TSPAN12: variants seen among roughly 807,000 people sequenced by gnomAD.
The protein encoded by TSPAN12 is tetraspanin 12.
Under a neutral mutation model 39.2 loss-of-function variants are expected in TSPAN12, and 19 were observed. The ratio of observed to expected loss-of-function variants is 0.49; its 90% confidence interval spans 0.34 to 0.71. The LOEUF is 0.71. TSPAN12 is among the 30% of genes least tolerant of loss of function. The probability of loss-of-function intolerance (pLI) is 0.01; values close to 1 mark genes in which losing one functional copy is unlikely to be tolerated. For missense variants in TSPAN12, 314 were observed against 359.9 expected, an observed-to-expected ratio of 0.87 and a Z score of 1.03; for synonymous variants, 119 against 124.8, an observed-to-expected ratio of 0.95 and a Z score of 0.31.
chr7:120,841,190 T>C (rs548290306), intron 2 of TSPAN12, among the ~76,000 whole-genome samples: 1 of 152,288 alleles, frequency 6.6e-6, no homozygotes, highest in African/African-American at 2.4e-5. Flanking sequence ...ACATAATGTG[T>C]CTCCCAACAT....
At chr7:120,820,080 A>G (rs1794160089) in intron 4 of TSPAN12, among the ~76,000 whole-genome samples, 3 of 152,072 alleles carry the variant, frequency 2.0e-5, no homozygotes, top group Non-Finnish European at 4.4e-5. Context: ...AGTGTTCCTC[A>G]TGTTTCTTGC....
intron 4 of TSPAN12, among the ~76,000 whole-genome samples, chr7:120,826,321 T>C (rs1270166546): frequency 6.6e-6 from 1 of 152,118 alleles, no homozygotes; most frequent in Non-Finnish European, 1.5e-5. Context: ...GGGTCAATGA[T>C]GTACATCAAG....
chr7:120,844,943 C>T (rs530824404), intron 2 of TSPAN12, among the ~76,000 whole-genome samples: 5 of 152,328 alleles, frequency 3.3e-5, no homozygotes, highest in African/African-American at 9.6e-5. Context: ...GGGCTCTGTC[C>T]CTGCAGCAGA....
intron 6 of TSPAN12, among the ~76,000 whole-genome samples, chr7:120,809,710 G>A (rs1443771383): frequency 6.6e-6 from 1 of 152,184 alleles, no homozygotes; most frequent in Non-Finnish European, 1.5e-5. Context: ...TTTGAAGCAA[G>A]ATCAATGGTT....
chr7:120,799,615 T>A (rs1793716015), intron 7 of TSPAN12, among the ~76,000 whole-genome samples: 1 of 117,928 alleles, frequency 8.5e-6, no homozygotes, highest in African/African-American at 3.5e-5. Context: ...ATTATATATA[T>A]AATTAAATAT....
At chr7:120,823,586 G>T (rs932374127) in intron 4 of TSPAN12, among the ~76,000 whole-genome samples, 1 of 152,116 alleles carries the variant, frequency 6.6e-6, no homozygotes, top group African/African-American at 2.4e-5. Context: ...TAGGAAGTAT[G>T]GTGGGTGAGG....
chr7:120,816,355 C>G (rs1794082011), intron 4 of TSPAN12, among the ~76,000 whole-genome samples: 1 of 110,428 alleles, frequency 9.1e-6, no homozygotes, highest in Non-Finnish European at 2.2e-5. Flanking sequence ...TCTGATAAGG[C>G]ATGCGCAGGC....
chr7:120,831,010 C>A (rs968348419), intron 4 of TSPAN12, among the ~76,000 whole-genome samples: 2 of 151,804 alleles, frequency 1.3e-5, no homozygotes, highest in African/African-American at 4.8e-5. Context: ...TAAAAGATGA[C>A]ATGCAAATAC....
At chr7:120,795,931 G>C (rs997420013) in intron 7 of TSPAN12, among the ~76,000 whole-genome samples, 3 of 152,210 alleles carry the variant, frequency 2.0e-5, no homozygotes, top group Admixed American at 2.0e-4. Context: ...AGAAAATGCA[G>C]TAGAAAAAAG....
chr7:120,793,893 T>TAA (rs1562936196), intron 7 of TSPAN12, among the ~76,000 whole-genome samples: 2 of 152,246 alleles, frequency 1.3e-5, no homozygotes, highest in Non-Finnish European at 1.5e-5. Context: ...GTAGTAGATA[T>TAA]AAAATCCCAC....
intron 5 of TSPAN12, 80 bp from the exon 6 acceptor site, chr7:120,810,650 ACACACG>A (rs2116364535): frequency 2.7e-5 from 21 of 785,918 alleles, no homozygotes; most frequent in Admixed American, 5.2e-5. Flanking sequence ...ACACACACAC[ACACACG>A]TACACACGCA....
intron 2 of TSPAN12, among the ~76,000 whole-genome samples, chr7:120,842,179 G>A (rs566060211): frequency 6.6e-6 from 1 of 152,260 alleles, no homozygotes; most frequent in East Asian, 1.9e-4. Flanking sequence ...GCCATGAAAC[G>A]TGCTTTCTGC....
At chr7:120,845,274 T>C (rs1794649865) in intron 2 of TSPAN12, among the ~76,000 whole-genome samples, 1 of 152,236 alleles carries the variant, frequency 6.6e-6, no homozygotes, top group African/African-American at 2.4e-5. Context: ...TATGAAGGTC[T>C]CTGAAATGCC....
intron 7 of TSPAN12, among the ~76,000 whole-genome samples, chr7:120,802,487 C>T (rs1793793198): frequency 1.3e-5 from 2 of 152,160 alleles, no homozygotes; most frequent in Admixed American, 6.6e-5. Context: ...CTTACCACCA[C>T]CTGAAATTAT....
At chr7:120,813,791 C>T (rs1362730206) in intron 5 of TSPAN12, among the ~76,000 whole-genome samples, 1 of 152,154 alleles carries the variant, frequency 6.6e-6, no homozygotes, top group Non-Finnish European at 1.5e-5. Context: ...ATCTCTTGAC[C>T]AGTAAACCAC....
At chr7:120,853,781 G>A (rs1326500454) in intron 2 of TSPAN12, among the ~76,000 whole-genome samples, 1 of 150,930 alleles carries the variant, frequency 6.6e-6, no homozygotes, top group Admixed American at 6.6e-5. Context: ...GGCTGAGGCA[G>A]GAGAATCGCC....
At chr7:120,789,230 T>C (rs1793472886) in intron 7 of TSPAN12, among the ~76,000 whole-genome samples, 1 of 152,122 alleles carries the variant, frequency 6.6e-6, no homozygotes, top group African/African-American at 2.4e-5. Context: ...TAGTAAATAT[T>C]TTGGGCTCTG....
At chr7:120,823,570 G>A (rs1027378185) in intron 4 of TSPAN12, among the ~76,000 whole-genome samples, 2 of 152,132 alleles carry the variant, frequency 1.3e-5, no homozygotes, top group African/African-American at 4.8e-5. Context: ...CTGGGTTGAG[G>A]TGAGATAGGA....
rs1793439017 is a variant in TSPAN12 at position 120,787,883 on chromosome 7, G to T, written c.*709C>A. 1 of 152,616 alleles carries T rather than the reference G, an allele frequency of 6.6e-6. No individual in the cohort carries two copies. Among genetic ancestry groups the T allele is most frequent in the Non-Finnish European group, 1.5e-5 (1 of 68,084 alleles). The allele number at this position is 152,616 out of a possible 1,614,324, so 9.5% of individuals were successfully genotyped here. ...CAGAATAGTAAAGCTTTATTAACAGGAAAGGCTAAAAATAATGATGCTATA... is the reference window on the plus strand; with the variant it reads ...CAGAATAGTAAAGCTTTATTAACAGTAAAGGCTAAAAATAATGATGCTATA... On this transcript the variant is annotated 3_prime_UTR_variant, in exon 8 of 8. Transcript: ENST00000222747.
Sources: allele counts gnomAD v4.1 joint callset (sites outside exome capture counted in the v4.1 genomes callset), GRCh38; gene constraint gnomAD v4.1.1; transcripts MANE v1.5; gene names NCBI Gene and HGNC (gene_info 2026-07-23, HGNC 2026-07-21).